Variants in KIF16B observed in about 807,000 individuals in gnomAD.
The protein encoded by KIF16B is kinesin family member 16B, also known as kinesin-like protein KIF16B.
In KIF16B, 98 loss-of-function variants were observed where a neutral mutation model predicts 156.3. The ratio of observed to expected loss-of-function variants is 0.63; its 90% CI spans 0.53 to 0.74. The LOEUF (loss-of-function observed/expected upper bound fraction) is 0.74, where lower values mean the gene tolerates loss of function less well. Among genes scored for constraint, KIF16B ranks in the 30% least tolerant of loss-of-function variants. The pLI is 0.00. For synonymous variants in KIF16B, 564 were observed against 583.7 expected (o/e 0.97, Z 0.49); for missense variants, 1,421 against 1,606.5 (o/e 0.88, Z 1.97).
intron 6 of KIF16B, 63 bp downstream of exon 6, chr20:16,511,355 A>T: frequency 2.2e-6 from 2 of 902,122 alleles, no homozygotes; most frequent in South Asian, 3.7e-5. Context: ...ATATTTTTTC[A>T]TTGAAAGTGT....
chr20:16,353,280 G>A (rs985451576), intron 23 of KIF16B, among the ~76,000 whole-genome samples: 3 of 152,026 alleles, frequency 2.0e-5, no homozygotes, highest in Non-Finnish European at 4.4e-5. Flanking sequence ...CAGGGCCTAC[G>A]CATGAAATGT....
At chr20:16,449,224 A>AG (rs774177211) in intron 12 of KIF16B, among the ~76,000 whole-genome samples, 120 of 152,338 alleles carry the variant, frequency 7.9e-4, no homozygotes, top group Admixed American at 9.8e-4. Context: ...TGACCAAAAA[A>AG]GGGGGTCTCT....
intron 12 of KIF16B, among the ~76,000 whole-genome samples, chr20:16,450,520 C>G (rs2067050941): frequency 6.6e-6 from 1 of 152,210 alleles, no homozygotes. Context: ...CACAGACAGA[C>G]ATGCACACAC....
intron 25 of KIF16B, among the ~76,000 whole-genome samples, chr20:16,299,005 T>C (rs563773356): frequency 1.3e-5 from 2 of 152,262 alleles, no homozygotes; most frequent in East Asian, 3.9e-4. Context: ...GATTGAAACA[T>C]ACATGTTGTA....
intron 1 of KIF16B, among the ~76,000 whole-genome samples, chr20:16,545,357 C>T (rs936512927): frequency 6.6e-6 from 1 of 151,320 alleles, no homozygotes. Context: ...ATGGCGACAC[C>T]TCATCTCTAT....
intron 4 of KIF16B, among the ~76,000 whole-genome samples, chr20:16,513,393 T>C (rs999132306): frequency 6.6e-6 from 1 of 152,056 alleles, no homozygotes; most frequent in African/African-American, 2.4e-5. Context: ...GTGCGGTGGT[T>C]CACACTTGTA....
At chr20:16,528,210 C>A (rs1336236737) in intron 2 of KIF16B, among the ~76,000 whole-genome samples, 161 bp downstream of exon 2, 1 of 152,122 alleles carries the variant, frequency 6.6e-6, no homozygotes, top group Non-Finnish European at 1.5e-5. Flanking sequence ...AACTCTTCTG[C>A]TTCAAGACTG....
intron 1 of KIF16B, among the ~76,000 whole-genome samples, chr20:16,541,062 G>A (rs1461453703): frequency 6.6e-6 from 1 of 152,122 alleles, no homozygotes; most frequent in East Asian, 1.9e-4. Context: ...CACCTCACCT[G>A]TCTCAGGGCC....
At chr20:16,437,745 A>C (rs751405476) in intron 12 of KIF16B, among the ~76,000 whole-genome samples, 4 of 152,170 alleles carry the variant, frequency 2.6e-5, no homozygotes, top group African/African-American at 4.8e-5. Context: ...GAACTCAGTA[A>C]GGAGGTATTA....
chr20:16,559,722 G>A (rs1174186870), intron 1 of KIF16B, among the ~76,000 whole-genome samples: 1 of 152,134 alleles, frequency 6.6e-6, no homozygotes, highest in Non-Finnish European at 1.5e-5. Flanking sequence ...AGGCTACAGT[G>A]AGCTGTGATC....
At chr20:16,391,642 A>G (rs1397869470) in intron 17 of KIF16B, among the ~76,000 whole-genome samples, 1 of 152,226 alleles carries the variant, frequency 6.6e-6, no homozygotes, top group Admixed American at 6.5e-5. Flanking sequence ...GCCAGGCCAC[A>G]GGCCAGGAGG....
chr20:16,304,359 C>G (rs1156349872), intron 25 of KIF16B, among the ~76,000 whole-genome samples: 1 of 152,114 alleles, frequency 6.6e-6, no homozygotes, highest in African/African-American at 2.4e-5. Context: ...ATTTGACAGG[C>G]AATTAGCCTC....
intron 25 of KIF16B, among the ~76,000 whole-genome samples, chr20:16,282,176 C>T (rs1415037888): frequency 6.6e-6 from 1 of 151,892 alleles, no homozygotes; most frequent in Non-Finnish European, 1.5e-5. Context: ...GGACTAAAGG[C>T]ATGTGCCACC....
rs73898730 is a variant in KIF16B at position 16,423,336 on chromosome 20, T to C, written c.1612+3768A>G. Among the ~76,000 whole-genome samples, 559 of 152,214 alleles carry C rather than the reference T, an allele frequency of 3.7e-3. 3 individuals are homozygous for C. Among genetic ancestry groups the C allele is most frequent in the Middle Eastern group, 0.024 (7 of 294 alleles). ...AAAGAAAACACAAAGAACAACAGATTAAAGCACATGAAAAGTTCATTTTAA... is the reference window on the plus strand; with the variant it reads ...AAAGAAAACACAAAGAACAACAGATCAAAGCACATGAAAAGTTCATTTTAA... On this transcript the variant is annotated intron_variant, in intron 15 of 25. Coordinates refer to ENST00000354981, the MANE Select transcript of KIF16B (RefSeq NM_024704.5).
intron 12 of KIF16B, among the ~76,000 whole-genome samples, chr20:16,433,330 T>G (rs1321455898): frequency 6.6e-6 from 1 of 152,120 alleles, no homozygotes; most frequent in Non-Finnish European, 1.5e-5. Flanking sequence ...GTATTTTCTT[T>G]CTGTACAGAA....
intron 15 of KIF16B, among the ~76,000 whole-genome samples, chr20:16,414,934 T>C (rs975179025): frequency 2.0e-5 from 3 of 152,104 alleles, no homozygotes; most frequent in Non-Finnish European, 4.4e-5. Context: ...AAACTAGGCT[T>C]TGCGTTAGAT....
At chr20:16,356,241 C>T in intron 23 of KIF16B, 89 bp downstream of exon 23, 1 of 1,512,254 alleles carries the variant, frequency 6.6e-7, no homozygotes, top group Admixed American at 1.8e-5. Flanking sequence ...TCACATGCAG[C>T]TTCATCCCCC....
chr20:16,513,984 T>C (rs1464635205), intron 4 of KIF16B, among the ~76,000 whole-genome samples: 1 of 152,212 alleles, frequency 6.6e-6, no homozygotes, highest in African/African-American at 2.4e-5. Flanking sequence ...TTGTTTTTTC[T>C]TTGTACCATT....
chr20:16,299,269 T>C (rs1568828310), intron 25 of KIF16B, among the ~76,000 whole-genome samples: 1 of 152,118 alleles, frequency 6.6e-6, no homozygotes, highest in Admixed American at 6.6e-5. Flanking sequence ...ATTGGCCCCA[T>C]GATGACTGTA....
Sources: gnomAD v4.1 joint callset for allele counts (sites outside exome capture counted in the v4.1 genomes callset) on GRCh38, gnomAD v4.1.1 for gene constraint, MANE v1.5 for transcripts, NCBI Gene and HGNC (gene_info 2026-07-23, HGNC 2026-07-21) for gene names.